Variants in FAF1 observed in about 807,000 individuals in gnomAD.
The protein encoded by FAF1 is FAS-associated factor 1.
In FAF1, 25 loss-of-function variants were observed where a neutral mutation model predicts 92.5. The observed-to-expected ratio is 0.27, with a 90% CI of 0.20 to 0.38. The LOEUF (loss-of-function observed/expected upper bound fraction) is 0.38, where lower values mean the gene tolerates loss of function less well. Among genes scored for constraint, FAF1 ranks in the 10% least tolerant of loss-of-function variants. FAF1 has a pLI of 1.00. For synonymous variants in FAF1, 234 were observed against 273.2 expected (o/e 0.86, Z 1.42); for missense variants, 636 against 793.3 (o/e 0.80, Z 2.38).
intron 1 of FAF1, among the ~76,000 whole-genome samples, chr1:50,891,706 G>T (rs1460781059): frequency 6.6e-6 from 1 of 152,200 alleles, no homozygotes; most frequent in Non-Finnish European, 1.5e-5. Flanking sequence ...GCTGCCTGAT[G>T]ATTCCTCTTG....
At chr1:50,528,954 C>T (rs929724562) in intron 15 of FAF1, among the ~76,000 whole-genome samples, 1 of 152,132 alleles carries the variant, frequency 6.6e-6, no homozygotes, top group African/African-American at 2.4e-5. Flanking sequence ...TTCTCTAGTT[C>T]ACTTTATTAA....
chr1:50,492,148 G>A (rs1646845310), intron 15 of FAF1, among the ~76,000 whole-genome samples: 1 of 152,136 alleles, frequency 6.6e-6, no homozygotes, highest in Admixed American at 6.5e-5. Flanking sequence ...ATCTAGCAAA[G>A]GACCTGGCAC....
intron 1 of FAF1, among the ~76,000 whole-genome samples, chr1:50,876,414 T>C (rs896998174): frequency 3.3e-5 from 5 of 152,170 alleles, no homozygotes; most frequent in East Asian, 1.9e-4. Context: ...GAAGGCAATA[T>C]ACAAGACGAA....
intron 6 of FAF1, among the ~76,000 whole-genome samples, chr1:50,729,056 A>ATTT (rs1481654972): frequency 0.022 from 2,325 of 105,522 alleles, 40 homozygotes; most frequent in Non-Finnish European, 0.03. Context: ...ATATATATAT[A>ATTT]TATTTTTTTT....
At chr1:50,511,906 A>G (rs1488242929) in intron 15 of FAF1, among the ~76,000 whole-genome samples, 1 of 152,056 alleles carries the variant, frequency 6.6e-6, no homozygotes, top group Non-Finnish European at 1.5e-5. Flanking sequence ...TGTAGTATCT[A>G]TTGTTCCCTG....
At chr1:50,856,752 G>C (rs2124664498) in intron 2 of FAF1, among the ~76,000 whole-genome samples, 1 of 151,748 alleles carries the variant, frequency 6.6e-6, no homozygotes, top group Non-Finnish European at 1.5e-5. Context: ...GTATATGCAG[G>C]AATGTTCTCT....
intron 7 of FAF1, among the ~76,000 whole-genome samples, chr1:50,674,340 T>TC (rs1251585746): frequency 6.6e-6 from 1 of 151,884 alleles, no homozygotes; most frequent in Non-Finnish European, 1.5e-5. Flanking sequence ...GATCATCCCC[T>TC]CCCCTCACTC....
Position 50,931,886 on chromosome 1 carries a change from A to AT in FAF1, c.45+27880dup, listed in dbSNP as rs1351597691. Among the ~76,000 whole-genome samples, 38 of 41,930 alleles carry AT rather than the reference A, an allele frequency of 9.1e-4. No homozygotes were observed. In the East Asian group the frequency reaches 0.012, roughly 13 times the overall value. The allele number at this position is 41,930 out of a possible 152,430, so 27.5% of individuals were successfully genotyped here. A position where few individuals can be genotyped will look rare whatever the true frequency, so the allele number is the denominator to read the frequency against. On this transcript the variant is annotated intron_variant, in intron 1 of 18. Coordinates refer to ENST00000396153, the MANE Select transcript of FAF1 (RefSeq NM_007051.3). ...AAGACTCTGTCTCAAAAATAAATAAATAAATAATAATAATAATAATAATAA... is the reference window on the plus strand; with the variant it reads ...AAGACTCTGTCTCAAAAATAAATAAATTAAATAATAATAATAATAATAATAA...
chr1:50,468,063 G>A (rs1018503311), intron 18 of FAF1, among the ~76,000 whole-genome samples: 21 of 151,992 alleles, frequency 1.4e-4, no homozygotes, highest in African/African-American at 5.1e-4. Context: ...ACAAAAATTA[G>A]TTGGGTGTGG....
chr1:50,584,462 C>T (rs1385599208), intron 10 of FAF1, among the ~76,000 whole-genome samples: 1 of 152,042 alleles, frequency 6.6e-6, no homozygotes, highest in African/African-American at 2.4e-5. Context: ...AGTTACACTA[C>T]CTTGCATTTT....
At chr1:50,939,986 C>A (rs1375879706) in intron 1 of FAF1, among the ~76,000 whole-genome samples, 1 of 152,240 alleles carries the variant, frequency 6.6e-6, no homozygotes, top group African/African-American at 2.4e-5. Flanking sequence ...TCTCAGCTCA[C>A]TGCAACCACT....
At chr1:50,929,099 G>GAAAAAAAAAA (rs57523646) in intron 1 of FAF1, among the ~76,000 whole-genome samples, 4 of 138,806 alleles carry the variant, frequency 2.9e-5, no homozygotes, top group Admixed American at 7.6e-5. Flanking sequence ...AGAAAGAAAA[G>GAAAAAAAAAA]AAAAAAAAAC....
chr1:50,960,085 T>C lies in FAF1; in HGVS notation c.-274A>G. ...CCGGACAGGAAGATTGGTCTGGATG[T>C]GGGTCCGGTCTTACAGTCGCGGGCC... On this transcript the variant is annotated 5_prime_UTR_variant, in exon 1 of 19. Coordinates refer to ENST00000396153, the MANE Select transcript of FAF1 (RefSeq NM_007051.3). 2.5e-6 allele frequency: 1 copy of C among 392,712 alleles called. No homozygotes were observed. The highest frequency in any genetic ancestry group is 1.3e-4 in the South Asian group (1 of 7,808). 24.3% of individuals were successfully genotyped at this position (392,712 alleles called of 1,614,324 possible). A position where few individuals can be genotyped will look rare whatever the true frequency, so the allele number is the denominator to read the frequency against.
At chr1:50,761,007 T>C (rs1660303700) in intron 4 of FAF1, among the ~76,000 whole-genome samples, 3 of 152,016 alleles carry the variant, frequency 2.0e-5, no homozygotes, top group Admixed American at 2.0e-4. Flanking sequence ...AAAGGGGATA[T>C]CACCACCGAT....
chr1:50,549,467 C>G (rs529182570), intron 13 of FAF1, among the ~76,000 whole-genome samples: 2 of 151,736 alleles, frequency 1.3e-5, no homozygotes, highest in Non-Finnish European at 2.9e-5. Context: ...CACCACCATG[C>G]CCAGCTAAGT....
chr1:50,546,546 A>G (rs1335274270), intron 13 of FAF1, among the ~76,000 whole-genome samples: 1 of 151,832 alleles, frequency 6.6e-6, no homozygotes, highest in Non-Finnish European at 1.5e-5. Flanking sequence ...TTGTATTTTT[A>G]GTAGAGATGG....
At chr1:50,816,823 T>C (rs141143673) in intron 2 of FAF1, among the ~76,000 whole-genome samples, 1 of 152,312 alleles carries the variant, frequency 6.6e-6, no homozygotes, top group East Asian at 1.9e-4. Context: ...GGTCTTACAT[T>C]TAATTCTTTC....
intron 17 of FAF1, among the ~76,000 whole-genome samples, chr1:50,483,703 A>G (rs12098099): frequency 0.03 from 4,562 of 152,234 alleles, 222 homozygotes; most frequent in African/African-American, 0.1. Flanking sequence ...ATAACAGACA[A>G]TGGTGGCTTA....
chr1:50,550,832 C>T (rs1197063840), intron 13 of FAF1, among the ~76,000 whole-genome samples: 2 of 152,192 alleles, frequency 1.3e-5, no homozygotes, highest in East Asian at 1.9e-4. Context: ...AAAACTCTCC[C>T]TTGACTTCAG....
Sources: allele counts gnomAD v4.1 joint callset (sites outside exome capture counted in the v4.1 genomes callset), GRCh38; gene constraint gnomAD v4.1.1; transcripts MANE v1.5; gene names NCBI Gene and HGNC (gene_info 2026-07-23, HGNC 2026-07-21).